The following HMGA2 variants were observed in gnomAD, a reference collection of about 807,000 sequenced individuals.
HMGA2 encodes the protein high mobility group protein HMGI-C.
A neutral mutation model predicts 19.1 loss-of-function variants in HMGA2; 8 were observed. The observed-to-expected ratio is 0.42, with a 90% CI of 0.25 to 0.76. The LOEUF (loss-of-function observed/expected upper bound fraction) is 0.76, where lower values mean the gene tolerates loss of function less well. Ranked by LOEUF, HMGA2 falls within the 30% of genes least tolerant of loss-of-function variation. HMGA2 has a pLI of 0.28. For missense variants in HMGA2, 109 were observed against 136.3 expected (o/e 0.80, Z 1.00); for synonymous variants, 60 against 48.8 (o/e 1.23, Z -0.96).
intron 3 of HMGA2, among the ~76,000 whole-genome samples, chr12:65,950,705 G>T (rs1333265774): frequency 1.3e-5 from 2 of 152,140 alleles, no homozygotes; most frequent in Non-Finnish European, 2.9e-5. Context: ...TATGTGGTAT[G>T]TAAATTATGT....
At chr12:65,907,844 C>T (rs1268131407) in intron 3 of HMGA2, among the ~76,000 whole-genome samples, 2 of 152,104 alleles carry the variant, frequency 1.3e-5, no homozygotes, top group African/African-American at 4.8e-5. Context: ...GGGTTTCCAA[C>T]ATAATTTCCA....
At position 65,825,455 on chromosome 12, in the gene HMGA2, G is replaced by C; in HGVS notation, c.111+74G>C. 1 of 1,105,846 alleles carries C rather than the reference G, an allele frequency of 9.0e-7. No individual in the cohort carries two copies. Among genetic ancestry groups the C allele is most frequent in the Non-Finnish European group, 1.2e-6 (1 of 831,324 alleles). The allele number at this position is 1,105,846 out of a possible 1,614,324, so 68.5% of individuals were successfully genotyped here. ...CCGGGGCCCAGACACGCGCGGGGCG[G>C]CCGGAGTGCGGGAGCCCAGTCGCCG... On this transcript the variant is annotated intron_variant, in intron 1 of 4. Transcript: ENST00000403681. This position sits in a 1 kb window ranked among gnomAD's most constrained non-coding sequence, Gnocchi z 4.4.
chr12:65,936,758 C>T (rs1875909013), intron 3 of HMGA2, among the ~76,000 whole-genome samples: 2 of 152,164 alleles, frequency 1.3e-5, no homozygotes, highest in African/African-American at 4.8e-5. Context: ...CATATTTAAT[C>T]ACCCCAGCAA....
At chr12:65,899,380 C>T (rs1323932536) in intron 3 of HMGA2, among the ~76,000 whole-genome samples, 1 of 152,202 alleles carries the variant, frequency 6.6e-6, no homozygotes, top group Non-Finnish European at 1.5e-5. Context: ...GATCCTACTT[C>T]TCCCTGATTC....
intron 3 of HMGA2, among the ~76,000 whole-genome samples, chr12:65,894,868 C>T (rs1283383550): frequency 6.6e-6 from 1 of 152,110 alleles, no homozygotes; most frequent in African/African-American, 2.4e-5. Context: ...GAAGGGAAGT[C>T]TGGGAGAAGT....
chr12:65,896,498 G>C (rs537041170), intron 3 of HMGA2, among the ~76,000 whole-genome samples: 3 of 152,290 alleles, frequency 2.0e-5, no homozygotes, highest in Admixed American at 2.0e-4. Flanking sequence ...CTGTTGTAGG[G>C]GGAGTGTGGT....
chr12:65,912,513 T>C (rs992547198), intron 3 of HMGA2, among the ~76,000 whole-genome samples: 1 of 152,284 alleles, frequency 6.6e-6, no homozygotes, highest in African/African-American at 2.4e-5. Context: ...TTTCCTCCAA[T>C]CTGTAGAGTG....
intron 3 of HMGA2, among the ~76,000 whole-genome samples, chr12:65,940,124 AAAAAT>A (rs1306887575): frequency 1.3e-5 from 2 of 152,142 alleles, no homozygotes; most frequent in African/African-American, 4.8e-5. Flanking sequence ...AAAAAAAAAC[AAAAAT>A]AAGTCATTAA....
At chr12:65,867,422 C>T (rs559940992) in intron 3 of HMGA2, 3 of 445,144 alleles carry the variant, frequency 6.7e-6, no homozygotes, top group African/African-American at 6.0e-5. Flanking sequence ...CTTGGAGTGT[C>T]ATCTGAGCAG....
chr12:65,851,591 T>C, intron 3 of HMGA2: 1 of 421,188 alleles, frequency 2.4e-6, no homozygotes, highest in South Asian at 1.7e-5. Context: ...CAGCTTGAAC[T>C]CAGGAGGCGG....
At position 65,873,269 on chromosome 12, in the gene HMGA2, A is replaced by G. The variant is rs147684939; in HGVS notation, c.249+34700A>G. Among the ~76,000 whole-genome samples, 227 of 152,352 alleles carry G rather than the reference A, an allele frequency of 1.5e-3. 1 individual carries two copies. Among genetic ancestry groups the G allele is most frequent in the Non-Finnish European group, 2.6e-3 (180 of 68,034 alleles). ...AGTATCCAAAGAATGAATGTGTCCA[A>G]GCCATGTGTCTGCACCTGTACCATG... On this transcript the variant is annotated intron_variant, in intron 3 of 4. Coordinates refer to ENST00000403681, the MANE Select transcript of HMGA2 (RefSeq NM_003483.6).
Position 65,889,789 on chromosome 12 carries a change from A to G in HMGA2, c.249+51220A>G, listed in dbSNP as rs7965093. ...TCACTGATGAACAAACCAAGGCACA[A>G]TGAGGTAAAGGCATCTGCTGTAGGA... On this transcript the variant is annotated intron_variant, in intron 3 of 4. Coordinates refer to ENST00000403681, the MANE Select transcript of HMGA2 (RefSeq NM_003483.6). Among the ~76,000 whole-genome samples the G allele has an allele frequency of 6.1e-3, 936 of 152,284 alleles. 15 individuals carry two copies. Among genetic ancestry groups the G allele is most frequent in the African/African-American group, 0.021 (884 of 41,548 alleles).
chr12:65,882,179 G>T, intron 3 of HMGA2: 1 of 374,058 alleles, frequency 2.7e-6, no homozygotes, highest in Admixed American at 3.7e-5. Flanking sequence ...CCTTTCTGCT[G>T]CTGGTAGGAG....
intron 3 of HMGA2, among the ~76,000 whole-genome samples, chr12:65,911,116 G>A (rs886612297): frequency 3.3e-5 from 5 of 152,090 alleles, no homozygotes; most frequent in Non-Finnish European, 4.4e-5. Flanking sequence ...AGCTGATATC[G>A]AACAATAGAA....
intron 3 of HMGA2, among the ~76,000 whole-genome samples, chr12:65,875,663 C>T (rs903027402): frequency 6.6e-4 from 79 of 120,454 alleles, no homozygotes; most frequent in African/African-American, 2.1e-3. Flanking sequence ...GTTGGCCAGG[C>T]TGGCCTTGAA....
rs1180942808 is a variant in HMGA2 at position 65,888,554 on chromosome 12, C to CTTTTTTT, written c.249+50006_249+50012dup. On this transcript the variant is annotated intron_variant, in intron 3 of 4. Coordinates refer to ENST00000403681, the MANE Select transcript of HMGA2 (RefSeq NM_003483.6). Reference sequence around the variant, plus strand: ...AGGAATAGAGTGCCCGTGGTGTGCTCTTTTTTTTTTTTTTTTTTTTTTTTT... The same window carrying CTTTTTTT: ...AGGAATAGAGTGCCCGTGGTGTGCTCTTTTTTTTTTTTTTTTTTTTTTTTTTTTTTTT... Among the ~76,000 whole-genome samples, 16 of 40,578 alleles carry CTTTTTTT rather than the reference C, an allele frequency of 3.9e-4. 3 individuals carry two copies. The highest frequency in any genetic ancestry group is 1.4e-3 in the Admixed American group (3 of 2,168). 26.6% of individuals were successfully genotyped at this position (40,578 alleles called of 152,430 possible). A position where few individuals can be genotyped will look rare whatever the true frequency, so the allele number is the denominator to read the frequency against.
rs879411799 is a variant in HMGA2, at chr12:65,935,797, T to A, written c.250-15586T>A. Among the ~76,000 whole-genome samples the A allele has an allele frequency of 3.7e-4, 56 of 152,348 alleles. No individual in the cohort carries two copies. In the Middle Eastern group the frequency reaches 0.014, roughly 37 times the overall value. Reference sequence around the variant, plus strand: ...TAATTGGTAGTCATTAATTAAATTTTATAAAATAGATGTTCCTTTCAAAAG... The same window carrying A: ...TAATTGGTAGTCATTAATTAAATTTAATAAAATAGATGTTCCTTTCAAAAG... On this transcript the variant is annotated intron_variant, in intron 3 of 4. Transcript: ENST00000403681.
At chr12:65,959,015 T>C (rs928348551) in intron 4 of HMGA2, among the ~76,000 whole-genome samples, 4 of 152,356 alleles carry the variant, frequency 2.6e-5, no homozygotes, top group South Asian at 2.1e-4. Flanking sequence ...AGACCTGCTG[T>C]TTAGTCTGCA....
intron 3 of HMGA2, chr12:65,843,223 C>A (rs1871082558): frequency 8.9e-6 from 2 of 225,374 alleles, no homozygotes; most frequent in South Asian, 3.7e-4. Context: ...TCCCAGCAAT[C>A]CCCAGCTGGT....
Sources: gnomAD v4.1 joint callset for allele counts (sites outside exome capture counted in the v4.1 genomes callset) on GRCh38, gnomAD v4.1.1 for gene constraint, Gnocchi (gnomAD v3.1) non-coding constraint, MANE v1.5 for transcripts, NCBI Gene and HGNC (gene_info 2026-07-23, HGNC 2026-07-21) for gene names.